NRG3: variants seen among roughly 807,000 people sequenced by gnomAD.
NRG3 encodes the protein pro-neuregulin-3, membrane-bound isoform.
NRG3 carries 31 observed loss-of-function variants against 66.9 expected under a neutral mutation model. The ratio of observed to expected loss-of-function variants is 0.46; its 90% CI spans 0.35 to 0.63. The LOEUF (loss-of-function observed/expected upper bound fraction) is 0.63, where lower values mean the gene tolerates loss of function less well. Among genes scored for constraint, NRG3 ranks in the 20% least tolerant of loss-of-function variants. NRG3 has a pLI of 0.00. For synonymous variants in NRG3, 393 were observed against 359.4 expected (o/e 1.09, Z -1.06); for missense variants, 910 against 878.9 (o/e 1.04, Z -0.45).
intron 1 of NRG3, among the ~76,000 whole-genome samples, chr10:82,140,605 A>C (rs1414471451): frequency 6.6e-6 from 1 of 152,072 alleles, no homozygotes; most frequent in Non-Finnish European, 1.5e-5. Context: ...AGTGACTCAC[A>C]TCTTTAGTCC....
intron 2 of NRG3, among the ~76,000 whole-genome samples, chr10:82,465,172 C>T (rs748677508): frequency 3.3e-5 from 5 of 152,214 alleles, no homozygotes; most frequent in Non-Finnish European, 5.9e-5. Context: ...AATAACGGTG[C>T]TGGCACAAAG....
intron 3 of NRG3, among the ~76,000 whole-genome samples, chr10:82,850,875 A>G (rs908616877): frequency 2.6e-5 from 4 of 152,202 alleles, no homozygotes; most frequent in African/African-American, 9.6e-5. Flanking sequence ...AGTCTACAAA[A>G]TGTGGGGTGG....
chr10:82,224,836 C>CT (rs2076098565), intron 1 of NRG3, among the ~76,000 whole-genome samples: 1 of 151,982 alleles, frequency 6.6e-6, no homozygotes, highest in African/African-American at 2.4e-5. Context: ...AAGAGGGTTT[C>CT]TTTTTTCACA....
chr10:82,960,150 C>T (rs1467879575), intron 6 of NRG3, among the ~76,000 whole-genome samples: 33 of 152,184 alleles, frequency 2.2e-4, no homozygotes, highest in Admixed American at 2.1e-3. Flanking sequence ...AACAGATGTA[C>T]TCAGATGATT....
At chr10:82,413,371 GCAGTAGGT>G (rs2088269222) in intron 2 of NRG3, among the ~76,000 whole-genome samples, 1 of 152,138 alleles carries the variant, frequency 6.6e-6, no homozygotes, top group South Asian at 2.1e-4. Flanking sequence ...CTTTGTGTGA[GCAGTAGGT>G]CTCAATAGTG....
intron 2 of NRG3, among the ~76,000 whole-genome samples, chr10:82,525,210 C>T (rs1332322984): frequency 2.0e-5 from 3 of 151,540 alleles, no homozygotes; most frequent in South Asian, 2.1e-4. Context: ...GAGAGAGGTA[C>T]CTAAAAAAGT....
chr10:82,553,410 A>G (rs1014374189), intron 2 of NRG3, among the ~76,000 whole-genome samples: 6 of 152,058 alleles, frequency 3.9e-5, no homozygotes, highest in South Asian at 2.1e-4. Context: ...TCTCTTTTAT[A>G]TCATATCCAT....
intron 1 of NRG3, among the ~76,000 whole-genome samples, chr10:82,301,702 A>G (rs1164799992): frequency 6.7e-6 from 1 of 148,410 alleles, no homozygotes; most frequent in Admixed American, 6.7e-5. Flanking sequence ...ATATATATAT[A>G]TATATGTAAA....
At position 81,992,117 on chromosome 10, in the gene NRG3, A is replaced by AT. The variant is rs369727160; in HGVS notation, c.823+115960dup. Reference sequence around the variant, plus strand: ...ACACTTAATATAAGCAAAAACTGTCATTTTTTCATTACTGTAAGCTGATTG... The same window carrying AT: ...ACACTTAATATAAGCAAAAACTGTCATTTTTTTCATTACTGTAAGCTGATTG... On this transcript the variant is annotated intron_variant, in intron 1 of 8. Transcript: ENST00000372141. Among the ~76,000 whole-genome samples the AT allele has an allele frequency of 3.7e-3, 566 of 152,236 alleles. 6 individuals carry two copies. The highest frequency in any genetic ancestry group is 0.013 in the African/African-American group (540 of 41,564).
At chr10:82,699,406 T>C (rs1412222304) in intron 2 of NRG3, among the ~76,000 whole-genome samples, 3 of 152,052 alleles carry the variant, frequency 2.0e-5, no homozygotes, top group African/African-American at 7.2e-5. Context: ...ATCATCTTCT[T>C]GCGCAAATTA....
chr10:82,860,413 T>C (rs2064060274), intron 3 of NRG3, among the ~76,000 whole-genome samples: 1 of 152,160 alleles, frequency 6.6e-6, no homozygotes, highest in Non-Finnish European at 1.5e-5. Context: ...TTTTTCTTTA[T>C]AGGAAGGGGG....
chr10:82,203,324 T>C (rs907452279), intron 1 of NRG3, among the ~76,000 whole-genome samples: 4 of 152,176 alleles, frequency 2.6e-5, no homozygotes, highest in African/African-American at 9.7e-5. Flanking sequence ...AAGTAGCGGA[T>C]AAAGCAGAAG....
chr10:82,415,726 G>T (rs542891305), intron 2 of NRG3, among the ~76,000 whole-genome samples: 1 of 152,230 alleles, frequency 6.6e-6, no homozygotes, highest in South Asian at 2.1e-4. Flanking sequence ...AGTTTATTTT[G>T]CAGGGCTTGC....
chr10:82,678,542 G>C (rs1391001173), intron 2 of NRG3, among the ~76,000 whole-genome samples: 1 of 152,164 alleles, frequency 6.6e-6, no homozygotes, highest in Non-Finnish European at 1.5e-5. Flanking sequence ...TATACGTGCA[G>C]GTCACAGGGG....
chr10:82,873,777 C>A (rs531112129), intron 4 of NRG3, among the ~76,000 whole-genome samples: 1 of 152,206 alleles, frequency 6.6e-6, no homozygotes, highest in East Asian at 1.9e-4. Flanking sequence ...ATCTTTAATG[C>A]AAATTTCCTT....
chr10:82,977,930 G>T (rs1174290053), intron 7 of NRG3, among the ~76,000 whole-genome samples: 1 of 152,152 alleles, frequency 6.6e-6, no homozygotes, highest in Non-Finnish European at 1.5e-5. Flanking sequence ...TTAGAACCTT[G>T]ATAAATTTAT....
intron 2 of NRG3, among the ~76,000 whole-genome samples, chr10:82,624,306 G>T (rs545345619): frequency 1.9e-3 from 292 of 152,218 alleles, no homozygotes; most frequent in Non-Finnish European, 3.6e-3. Context: ...TTATTGACTT[G>T]CTGTGTAACT....
chr10:81,914,104 G>A (rs1216854384), intron 1 of NRG3, among the ~76,000 whole-genome samples: 1 of 152,148 alleles, frequency 6.6e-6, no homozygotes, highest in African/African-American at 2.4e-5. Context: ...ATGCACAGCA[G>A]TAATTATTGA....
intron 1 of NRG3, among the ~76,000 whole-genome samples, chr10:82,031,897 CT>C (rs1564752805): frequency 6.6e-6 from 1 of 152,078 alleles, no homozygotes; most frequent in Non-Finnish European, 1.5e-5. Context: ...TGCTTTAGCC[CT>C]TAATTTTCAG....
Sources: allele counts gnomAD v4.1 joint callset (sites outside exome capture counted in the v4.1 genomes callset), GRCh38; gene constraint gnomAD v4.1.1; transcripts MANE v1.5; gene names NCBI Gene and HGNC (gene_info 2026-07-23, HGNC 2026-07-21).